COL26A1: variants seen among roughly 807,000 people sequenced by gnomAD.
COL26A1 encodes the protein collagen alpha-1(XXVI) chain.
A neutral mutation model predicts 59.3 loss-of-function variants in COL26A1; 41 were observed. The ratio of observed to expected loss-of-function variants is 0.69; its 90% confidence interval spans 0.54 to 0.90. COL26A1 has a LOEUF of 0.90. Among genes scored for constraint, COL26A1 ranks in the 40% least tolerant of loss-of-function variants. The pLI, the probability that COL26A1 is intolerant of heterozygous loss-of-function variation, is 0.00. For synonymous variants in COL26A1, 266 were observed against 256.0 expected (o/e 1.04, Z -0.37); for missense variants, 612 against 602.3 (o/e 1.02, Z -0.17).
chr7:101,489,791 T>TC (rs1794382731), intron 3 of COL26A1, among the ~76,000 whole-genome samples: 1 of 1,812 alleles, frequency 5.5e-4, no homozygotes, highest in East Asian at 4.9e-3. Context: ...TCTTTCTTTC[T>TC]TTCTTTCTTT....
At chr7:101,488,595 C>T (rs1476946676) in intron 3 of COL26A1, among the ~76,000 whole-genome samples, 1 of 151,744 alleles carries the variant, frequency 6.6e-6, no homozygotes, top group African/African-American at 2.4e-5. Context: ...AGGCTGGTCT[C>T]GAACCCCTGA....
chr7:101,545,292 C>T (rs747310090), intron 6 of COL26A1, 46 bp from the exon 7 acceptor site: 55 of 1,513,724 alleles, frequency 3.6e-5, no homozygotes, highest in Admixed American at 2.1e-4. Flanking sequence ...TGCAGCCACC[C>T]GCCAGGCTCC....
chr7:101,385,213 TACACAC>T (rs71129618), intron 1 of COL26A1, among the ~76,000 whole-genome samples: 2 of 142,490 alleles, frequency 1.4e-5, no homozygotes, highest in African/African-American at 2.6e-5. Context: ...ACACTATATA[TACACAC>T]ACACACACAC....
At chr7:101,447,923 T>C (rs1243640991) in intron 3 of COL26A1, 136 bp downstream of exon 3, 3 of 654,054 alleles carry the variant, frequency 4.6e-6, no homozygotes, top group African/African-American at 1.8e-5. Flanking sequence ...CAATCGCCTC[T>C]GAAGCAAATG....
At chr7:101,524,263 T>G (rs1000144134) in intron 3 of COL26A1, among the ~76,000 whole-genome samples, 1 of 150,064 alleles carries the variant, frequency 6.7e-6, no homozygotes, top group African/African-American at 2.5e-5. Context: ...AGAGTGAGAC[T>G]CTGTCTCAAA....
intron 1 of COL26A1, chr7:101,389,077 T>G (rs2117049381): frequency 4.8e-6 from 1 of 208,782 alleles, no homozygotes; most frequent in Non-Finnish European, 9.7e-6. Flanking sequence ...GCTTCAGGTT[T>G]CCTCAGTATC....
intron 1 of COL26A1, among the ~76,000 whole-genome samples, chr7:101,389,805 G>A (rs1398912361): frequency 1.3e-5 from 2 of 151,956 alleles, no homozygotes; most frequent in African/African-American, 4.8e-5. Context: ...CGCCCATCTC[G>A]GCCTCCCAAA....
At chr7:101,363,972 C>G (rs1414564396) in intron 1 of COL26A1, among the ~76,000 whole-genome samples, 3 of 152,154 alleles carry the variant, frequency 2.0e-5, no homozygotes, top group Non-Finnish European at 4.4e-5. Context: ...GCGGAGGATC[C>G]TCGGCTGCGA....
chr7:101,453,370 A>G (rs1047860333), intron 3 of COL26A1, among the ~76,000 whole-genome samples: 1 of 150,212 alleles, frequency 6.7e-6, no homozygotes, highest in Non-Finnish European at 1.5e-5. Flanking sequence ...CTGTCTCAAA[A>G]AGGAAAAGAA....
chr7:101,374,304 C>G (rs1436369819), intron 1 of COL26A1, among the ~76,000 whole-genome samples: 1 of 152,118 alleles, frequency 6.6e-6, no homozygotes, highest in Non-Finnish European at 1.5e-5. Context: ...TTCTGGCCCC[C>G]TGCATCTCCT....
rs200945469 is a variant in COL26A1 at position 101,385,262 on chromosome 7, C to CAT, written c.158+22079_158+22080dup. Among the ~76,000 whole-genome samples, 30 of 149,164 alleles carry CAT rather than the reference C, an allele frequency of 2.0e-4. 1 individual carries two copies. In the South Asian group the frequency reaches 5.1e-3, roughly 25 times the overall value. ...ATATATATATATATACACACACACA[C>CAT]ATATATATGTGTATATATATAGTAT... On this transcript the variant is annotated intron_variant, in intron 1 of 12. Coordinates refer to ENST00000313669, the MANE Select transcript of COL26A1 (RefSeq NM_001278563.3).
chr7:101,391,267 C>T (rs1791722205), intron 1 of COL26A1, among the ~76,000 whole-genome samples: 1 of 152,154 alleles, frequency 6.6e-6, no homozygotes, highest in Non-Finnish European at 1.5e-5. Context: ...GTGTGGGTCA[C>T]CCCCTTTTTG....
chr7:101,369,443 C>CTTT (rs1210867917), intron 1 of COL26A1, among the ~76,000 whole-genome samples: 35 of 75,890 alleles, frequency 4.6e-4, no homozygotes, highest in South Asian at 1.1e-3. Context: ...TAATCTGCAT[C>CTTT]TTTTTTTTTT....
intron 3 of COL26A1, among the ~76,000 whole-genome samples, chr7:101,451,022 A>G (rs1006127706): frequency 2.1e-5 from 3 of 144,842 alleles, no homozygotes; most frequent in East Asian, 2.1e-4. Flanking sequence ...ATAATTGTTG[A>G]TATATATTAT....
chr7:101,507,654 A>G (rs896014495), intron 3 of COL26A1, among the ~76,000 whole-genome samples: 1 of 152,020 alleles, frequency 6.6e-6, no homozygotes, highest in South Asian at 2.1e-4. Flanking sequence ...CCCGGGATTA[A>G]GTGATCCTCC....
chr7:101,543,225 A>G (rs1795656125), intron 5 of COL26A1, among the ~76,000 whole-genome samples: 1 of 151,862 alleles, frequency 6.6e-6, no homozygotes, highest in South Asian at 2.1e-4. Flanking sequence ...GCTGGAATGC[A>G]GTGGTGTGAT....
chr7:101,444,050 T>A (rs1206339152), intron 2 of COL26A1, among the ~76,000 whole-genome samples: 2 of 151,856 alleles, frequency 1.3e-5, no homozygotes, highest in African/African-American at 4.8e-5. Flanking sequence ...TTTTTTATTT[T>A]TATTTTTTGT....
intron 1 of COL26A1, among the ~76,000 whole-genome samples, chr7:101,371,747 A>G (rs1229040119): frequency 6.6e-6 from 1 of 152,156 alleles, no homozygotes; most frequent in Non-Finnish European, 1.5e-5. Context: ...AGCTATGATT[A>G]CACCACTGCG....
At chr7:101,553,408 G>A (rs759699705) in intron 11 of COL26A1, 32 bp downstream of exon 11, 56 of 1,605,434 alleles carry the variant, frequency 3.5e-5, no homozygotes, top group East Asian at 6.7e-5. Flanking sequence ...GTTCCCTCCC[G>A]CCTCCTTGGC....
Sources: allele counts gnomAD v4.1 joint callset (sites outside exome capture counted in the v4.1 genomes callset), GRCh38; gene constraint gnomAD v4.1.1; transcripts MANE v1.5; gene names NCBI Gene and HGNC (gene_info 2026-07-23, HGNC 2026-07-21).